Variants in MACROH2A1 observed in about 807,000 individuals in gnomAD.
MACROH2A1 encodes the protein macroH2A.1 histone.
MACROH2A1 carries 2 observed loss-of-function variants against 31.6 expected under a neutral mutation model. That is an observed-to-expected ratio of 0.06 (90% CI 0.03 to 0.20). MACROH2A1 has a LOEUF of 0.20. MACROH2A1 is among the 10% of genes least tolerant of loss of function. The pLI is 1.00. For synonymous variants in MACROH2A1, 169 were observed against 189.6 expected (o/e 0.89, Z 0.89); for missense variants, 230 against 474.0 (o/e 0.49, Z 4.78).
intron 8 of MACROH2A1, among the ~76,000 whole-genome samples, chr5:135,339,145 T>A (rs1450553972): frequency 6.6e-6 from 1 of 152,188 alleles, no homozygotes; most frequent in East Asian, 1.9e-4. Context: ...TTAAGCAGAC[T>A]AAAGAGACAT....
chr5:135,390,749 C>T (rs1561672083), intron 1 of MACROH2A1, among the ~76,000 whole-genome samples: 1 of 152,194 alleles, frequency 6.6e-6, no homozygotes, highest in Non-Finnish European at 1.5e-5. Context: ...TGATGCTCAA[C>T]CTATACTAGG....
At chr5:135,392,303 T>G (rs556176563) in intron 1 of MACROH2A1, among the ~76,000 whole-genome samples, 1 of 152,178 alleles carries the variant, frequency 6.6e-6, no homozygotes, top group East Asian at 1.9e-4. Context: ...CCAAGAAAGG[T>G]CTGAAATATC....
At chr5:135,342,365 C>T (rs888720824) in intron 8 of MACROH2A1, among the ~76,000 whole-genome samples, 7 of 152,200 alleles carry the variant, frequency 4.6e-5, no homozygotes, top group Non-Finnish European at 7.3e-5. Context: ...CATCACTCAC[C>T]GGGTTAGTGG....
chr5:135,355,045 A>G (rs1330351746), intron 5 of MACROH2A1: 2 of 455,714 alleles, frequency 4.4e-6, no homozygotes, highest in Non-Finnish European at 4.4e-6. Context: ...TTCCAATTGT[A>G]TAGATGCTTC....
intron 4 of MACROH2A1, among the ~76,000 whole-genome samples, chr5:135,366,100 G>T (rs1763467995): frequency 6.6e-6 from 1 of 152,174 alleles, no homozygotes; most frequent in Non-Finnish European, 1.5e-5. Context: ...TGTCTCTCCT[G>T]CTGTCCTGTG....
At chr5:135,343,550 CTG>C (rs1349296629) in intron 7 of MACROH2A1, 116 bp from the exon 8 acceptor site, 2 of 1,485,220 alleles carry the variant, frequency 1.3e-6, no homozygotes, top group African/African-American at 2.8e-5. Flanking sequence ...CTCCAATGCC[CTG>C]TGTCCGAGGA....
At position 135,334,772 on chromosome 5, in the gene MACROH2A1, A is replaced by G; in HGVS notation, c.*204T>C. The G allele has an allele frequency of 1.8e-6, 1 of 543,382 alleles. No individual in the cohort carries two copies. The highest frequency in any genetic ancestry group is 2.6e-5 in the South Asian group (1 of 38,414). The allele number at this position is 543,382 out of a possible 1,614,324, so 33.7% of individuals were successfully genotyped here. ...GGTCTGGAACACAGTGCTTAACAAC[A>G]GTAATGCCAACTATCAGTGCTAACA... On this transcript the variant is annotated 3_prime_UTR_variant, in exon 9 of 9. Coordinates refer to ENST00000511689, the MANE Select transcript of MACROH2A1 (RefSeq NM_138610.3).
intron 5 of MACROH2A1, chr5:135,355,590 G>A (rs1762086253): frequency 4.6e-6 from 1 of 215,382 alleles, no homozygotes; most frequent in Non-Finnish European, 9.5e-6. Context: ...GTGTGCATCA[G>A]GGGAAGAGAA....
At chr5:135,362,222 T>C (rs1200892295) in intron 4 of MACROH2A1, 1 of 152,194 alleles carries the variant, frequency 6.6e-6, no homozygotes, top group Admixed American at 6.5e-5. Context: ...CTTCAGAAAA[T>C]AGACTGGTGA....
intron 2 of MACROH2A1, among the ~76,000 whole-genome samples, chr5:135,383,905 G>A (rs147803139): frequency 1.3e-5 from 2 of 152,302 alleles, no homozygotes; most frequent in East Asian, 1.9e-4. Context: ...GTGCACTCAT[G>A]CAAACAAGCA....
intron 2 of MACROH2A1, among the ~76,000 whole-genome samples, chr5:135,376,489 C>T (rs1764882559): frequency 6.6e-6 from 1 of 152,236 alleles, no homozygotes; most frequent in Admixed American, 6.5e-5. Flanking sequence ...CAACCCAACT[C>T]AGTGCCCGAA....
chr5:135,350,835 C>T (rs1457135387), intron 6 of MACROH2A1: 9 of 1,609,504 alleles, frequency 5.6e-6, no homozygotes, highest in African/African-American at 2.7e-5. Flanking sequence ...ACTTCACCAC[C>T]GATGTAGAAG....
Position 135,389,004 on chromosome 5 carries a change from C to T in MACROH2A1, c.90G>A (p.Arg30=). 2 of 1,614,038 alleles carry T rather than the reference C, an allele frequency of 1.2e-6. No homozygotes were observed. Among genetic ancestry groups the T allele is most frequent in the Non-Finnish European group, 1.7e-6 (2 of 1,179,888 alleles). The change falls in exon 2 of 9, where the codon CGG becomes CGA. Residue 30 remains arginine (R), a synonymous_variant. Coordinates refer to ENST00000511689, the MANE Select transcript of MACROH2A1 (RefSeq NM_138610.3). Reference sequence around the variant, plus strand: ...ACTTGGGGTGGCCTTTCTTGATGTACCGCAGCATCCGCCCCACGGGAAAGA... The same window carrying T: ...ACTTGGGGTGGCCTTTCTTGATGTATCGCAGCATCCGCCCCACGGGAAAGA... ...GVIFPVGRML[R]YIKKGHPKYR...
intron 4 of MACROH2A1, among the ~76,000 whole-genome samples, chr5:135,366,298 G>GC (rs1349712010): frequency 6.6e-6 from 1 of 152,156 alleles, no homozygotes; most frequent in Non-Finnish European, 1.5e-5. Flanking sequence ...GTCATCCTAT[G>GC]CAACACTAAA....
At chr5:135,382,402 T>C (rs115033370) in intron 2 of MACROH2A1, among the ~76,000 whole-genome samples, 5 of 152,200 alleles carry the variant, frequency 3.3e-5, no homozygotes, top group Admixed American at 3.3e-4. Flanking sequence ...AAGATAGCAA[T>C]GAGATTTTCA....
chr5:135,383,004 G>A (rs1247943046), intron 2 of MACROH2A1, among the ~76,000 whole-genome samples: 2 of 152,240 alleles, frequency 1.3e-5, no homozygotes, highest in Non-Finnish European at 2.9e-5. Flanking sequence ...GTAAGATAGA[G>A]AAGTACTGGT....
chr5:135,375,270 C>A (rs1418450975), intron 2 of MACROH2A1, among the ~76,000 whole-genome samples: 1 of 152,226 alleles, frequency 6.6e-6, no homozygotes, highest in Non-Finnish European at 1.5e-5. Context: ...GCAAGCCCTG[C>A]AGGGACATCC....
intron 2 of MACROH2A1, among the ~76,000 whole-genome samples, chr5:135,375,216 G>A (rs917186218): frequency 2.0e-5 from 3 of 152,230 alleles, no homozygotes; most frequent in African/African-American, 7.2e-5. Flanking sequence ...ACCATCATCT[G>A]TAGTGGCCTA....
intron 6 of MACROH2A1, among the ~76,000 whole-genome samples, chr5:135,352,264 T>C (rs892430810): frequency 3.9e-5 from 6 of 152,200 alleles, no homozygotes; most frequent in African/African-American, 1.2e-4. Flanking sequence ...GATAAAGCCA[T>C]AGAGGCAGGA....
Sources: allele counts gnomAD v4.1 joint callset (sites outside exome capture counted in the v4.1 genomes callset), GRCh38; gene constraint gnomAD v4.1.1; transcripts MANE v1.5; gene names NCBI Gene and HGNC (gene_info 2026-07-23, HGNC 2026-07-21).